The following CDH12 variants were observed in gnomAD, a reference collection of about 807,000 sequenced individuals.
CDH12 encodes the protein cadherin-12.
In CDH12, 41 loss-of-function variants were observed where a neutral mutation model predicts 74.1. That is an observed-to-expected ratio of 0.55 (90% CI 0.43 to 0.72). The LOEUF is 0.72. Among genes scored for constraint, CDH12 ranks in the 30% least tolerant of loss-of-function variants. The pLI is 0.00. For missense variants in CDH12, 945 were observed against 977.2 expected (o/e 0.97, Z 0.44); for synonymous variants, 399 against 355.0 (o/e 1.12, Z -1.39).
intron 2 of CDH12, among the ~76,000 whole-genome samples, chr5:22,481,629 T>C (rs1746388735): frequency 6.6e-6 from 1 of 152,314 alleles, no homozygotes; most frequent in South Asian, 2.1e-4. Flanking sequence ...TCCACTCACA[T>C]GAAGTATCTG....
chr5:21,783,979 G>A (rs922984672), intron 10 of CDH12, among the ~76,000 whole-genome samples: 2 of 151,964 alleles, frequency 1.3e-5, no homozygotes, highest in African/African-American at 4.8e-5. Context: ...TGACAATTTG[G>A]TAATTATACA....
intron 2 of CDH12, among the ~76,000 whole-genome samples, chr5:22,496,290 G>A (rs945195766): frequency 1.3e-5 from 2 of 152,148 alleles, no homozygotes; most frequent in Non-Finnish European, 2.9e-5. Flanking sequence ...TAGTAACATG[G>A]TGAATTACCC....
chr5:22,312,009 T>G (rs1738415298), intron 3 of CDH12, among the ~76,000 whole-genome samples: 2 of 152,148 alleles, frequency 1.3e-5, no homozygotes, highest in South Asian at 4.1e-4. Flanking sequence ...GCTTATAAAA[T>G]GGAAGCTAAA....
At chr5:22,545,588 TATTTTAG>T (rs1256234167) in intron 1 of CDH12, among the ~76,000 whole-genome samples, 1 of 152,208 alleles carries the variant, frequency 6.6e-6, no homozygotes, top group East Asian at 1.9e-4. Context: ...TCAAACCATA[TATTTTAG>T]ATCATTTGGT....
chr5:22,182,297 C>G (rs1352836356), intron 4 of CDH12, among the ~76,000 whole-genome samples: 1 of 152,128 alleles, frequency 6.6e-6, no homozygotes, highest in African/African-American at 2.4e-5. Flanking sequence ...TAAAGTCTCC[C>G]TCTCTGACTT....
At chr5:22,278,490 A>T (rs184980293) in intron 3 of CDH12, among the ~76,000 whole-genome samples, 2 of 152,296 alleles carry the variant, frequency 1.3e-5, no homozygotes, top group East Asian at 1.9e-4. Flanking sequence ...AAATCACCTA[A>T]ATCTGCTGAA....
At chr5:22,063,948 T>G (rs976681635) in intron 5 of CDH12, among the ~76,000 whole-genome samples, 25 of 151,562 alleles carry the variant, frequency 1.6e-4, no homozygotes, top group African/African-American at 5.6e-4. Context: ...TCTTAAAATC[T>G]CTCTCATATA....
intron 1 of CDH12, among the ~76,000 whole-genome samples, chr5:22,605,025 C>T (rs1501748): frequency 0.49 from 73,931 of 151,852 alleles, 18,233 homozygotes; most frequent in Admixed American, 0.57. Context: ...TCAACTTGGA[C>T]ATTGTTTTTG....
chr5:22,693,051 A>G (rs1347414336), intron 1 of CDH12, among the ~76,000 whole-genome samples: 1 of 135,370 alleles, frequency 7.4e-6, no homozygotes, highest in African/African-American at 2.8e-5. Context: ...GTGTTTTGCT[A>G]TGTTGCCTGG....
intron 1 of CDH12, among the ~76,000 whole-genome samples, chr5:22,733,286 ATGTGGTATGAC>A (rs1394227298): frequency 6.6e-6 from 1 of 151,954 alleles, no homozygotes; most frequent in Non-Finnish European, 1.5e-5. Flanking sequence ...TAAAAATAAA[ATGTGGTATGAC>A]TTTCTTAATA....
At chr5:22,803,978 C>T (rs1337070818) in intron 1 of CDH12, among the ~76,000 whole-genome samples, 1 of 140,224 alleles carries the variant, frequency 7.1e-6, no homozygotes, top group African/African-American at 2.6e-5. Context: ...TATGTTTTTA[C>T]AAAAAAAAAA....
chr5:22,398,735 GA>G (rs1278353305), intron 3 of CDH12, among the ~76,000 whole-genome samples: 2 of 152,056 alleles, frequency 1.3e-5, no homozygotes, highest in East Asian at 3.9e-4. Flanking sequence ...TTATCTGCAT[GA>G]TTCAATGTTT....
intron 3 of CDH12, among the ~76,000 whole-genome samples, chr5:22,365,180 G>A (rs979664669): frequency 1.3e-5 from 2 of 152,112 alleles, no homozygotes; most frequent in East Asian, 3.9e-4. Flanking sequence ...CTAAGGGTAT[G>A]GGTGTACACA....
intron 5 of CDH12, among the ~76,000 whole-genome samples, chr5:22,024,607 A>G (rs1258893408): frequency 2.6e-5 from 4 of 151,996 alleles, no homozygotes; most frequent in Non-Finnish European, 5.9e-5. Flanking sequence ...CCACCTCCCA[A>G]ATTCAAGAAA....
At chr5:22,397,116 T>G (rs993760133) in intron 3 of CDH12, among the ~76,000 whole-genome samples, 1 of 152,106 alleles carries the variant, frequency 6.6e-6, no homozygotes, top group African/African-American at 2.4e-5. Context: ...GCCTCCCTTG[T>G]AGGTAGATGA....
chr5:22,476,117 A>G (rs184345408), intron 2 of CDH12, among the ~76,000 whole-genome samples: 120 of 152,150 alleles, frequency 7.9e-4, no homozygotes, highest in Middle Eastern at 6.9e-3. Flanking sequence ...TGATGTTGAC[A>G]TTTTATGTAT....
chr5:21,912,198 G>A lies in CDH12; in HGVS notation c.527-57408C>T, dbSNP rs373109784. Among the ~76,000 whole-genome samples the A allele has an allele frequency of 1.6e-4, 24 of 152,216 alleles. No homozygotes were observed. In the South Asian group the frequency reaches 5.0e-3, roughly 32 times the overall value. On this transcript the variant is annotated intron_variant, in intron 6 of 14. Transcript: ENST00000382254. ...GCCAGTTTTGACACTTTTGATCTTA[G>A]TAAATAGCAGGTAAAATGAATATGA...
At chr5:21,803,944 GA>G (rs1168623409) in intron 9 of CDH12, among the ~76,000 whole-genome samples, 2 of 152,044 alleles carry the variant, frequency 1.3e-5, no homozygotes, top group Non-Finnish European at 2.9e-5. Flanking sequence ...CAATTTCATG[GA>G]ATTTATTATA....
intron 1 of CDH12, among the ~76,000 whole-genome samples, chr5:22,625,792 C>T (rs1406600303): frequency 1.3e-5 from 2 of 152,134 alleles, no homozygotes; most frequent in African/African-American, 4.8e-5. Context: ...TGGCAGACCA[C>T]ACCTGACCAT....
Sources: gnomAD v4.1 joint callset for allele counts (sites outside exome capture counted in the v4.1 genomes callset) on GRCh38, gnomAD v4.1.1 for gene constraint, MANE v1.5 for transcripts, NCBI Gene and HGNC (gene_info 2026-07-23, HGNC 2026-07-21) for gene names.